DEF8: variants seen among roughly 807,000 people sequenced by gnomAD.
The protein encoded by DEF8 is differentially expressed in FDCP 8 homolog.
Under a neutral mutation model 59.1 loss-of-function variants are expected in DEF8, and 38 were observed. That is an observed-to-expected ratio of 0.64 (90% CI 0.50 to 0.84). The LOEUF is 0.84. Ranked by LOEUF, DEF8 falls within the 40% of genes least tolerant of loss-of-function variation. DEF8 has a pLI of 0.00. For synonymous variants in DEF8, 265 were observed against 250.1 expected (o/e 1.06, Z -0.56); for missense variants, 557 against 615.2 (o/e 0.91, Z 1.00).
rs540883070 is a variant in DEF8, at chr16:89,954,461, G to A, written c.124+85G>A. 3 of 1,459,330 alleles carry A rather than the reference G, an allele frequency of 2.1e-6. No individual in the cohort carries two copies. The highest frequency in any genetic ancestry group is 2.8e-6 in the Non-Finnish European group (3 of 1,076,716). 90.4% of individuals were successfully genotyped at this position (1,459,330 alleles called of 1,614,324 possible). A position where few individuals can be genotyped will look rare whatever the true frequency, so the allele number is the denominator to read the frequency against. On this transcript the variant is annotated intron_variant, in intron 3 of 12. Transcript: ENST00000563594. This position sits in a 1 kb window ranked among gnomAD's most constrained non-coding sequence, Gnocchi z 4.3. ...CCCTCCTTTCTTCCTGCCGCGTCCT[G>A]CGCAGCCCTGGCTTTCCCACGGAGC...
At chr16:89,957,705 C>G in intron 5 of DEF8, 45 bp downstream of exon 5, 1 of 1,491,788 alleles carries the variant, frequency 6.7e-7, no homozygotes, top group Non-Finnish European at 9.0e-7. Flanking sequence ...GGGGCCGAGG[C>G]CAGAACTGTG....
chr16:89,962,026 C>T lies in DEF8; in HGVS notation c.822C>T (p.Ser274=), dbSNP rs1403310890. The change falls in exon 9 of 13, where the codon AGC becomes AGT. Residue 274 remains serine, a synonymous_variant. Transcript: ENST00000563594. The part of the protein sequence containing the change: ...DFEPRKVSRC[S]MRYLALMVSR... ...GTGCCTGGCAGGTTTCTCGCTGCAGCATGCGCTACCTGGCGCTGATGGTGT... is the reference window on the plus strand; with the variant it reads ...GTGCCTGGCAGGTTTCTCGCTGCAGTATGCGCTACCTGGCGCTGATGGTGT... 1.9e-6 allele frequency: 3 copies of T among 1,613,938 alleles called. No individual in the cohort carries two copies. In the African/African-American group the frequency reaches 4.0e-5, roughly 22 times the overall value.
intron 8 of DEF8, 59 bp from the exon 9 acceptor site, chr16:89,961,953 T>C: frequency 6.2e-7 from 1 of 1,607,478 alleles, no homozygotes; most frequent in South Asian, 1.1e-5. Flanking sequence ...TGGTTGGGTG[T>C]TGCCCGCTGC....
chr16:89,963,863 CTG>C (rs1347765324), intron 10 of DEF8: 2 of 521,992 alleles, frequency 3.8e-6, no homozygotes, highest in Non-Finnish European at 3.5e-6. Flanking sequence ...GTGGTGAACT[CTG>C]TGACAAGATA....
Position 89,954,505 on chromosome 16 carries a change from TTC to T in DEF8, c.124+131_124+132del, listed in dbSNP as rs1301382008. On this transcript the variant is annotated intron_variant, in intron 3 of 12. Transcript: ENST00000563594. This position sits in a 1 kb window ranked among gnomAD's most constrained non-coding sequence, Gnocchi z 4.3. ...ACGGAGCCGGCACCTGCTGGCTGTGTTCTTTTTCCCATCTCTTCTGTGGTCGT... is the reference window on the plus strand; with the variant it reads ...ACGGAGCCGGCACCTGCTGGCTGTGTTTTTTCCCATCTCTTCTGTGGTCGT... 3.1e-5 allele frequency: 32 copies of T among 1,029,916 alleles called. No homozygotes were observed. The highest frequency in any genetic ancestry group is 4.3e-5 in the Non-Finnish European group (31 of 715,496). 63.8% of individuals were successfully genotyped at this position (1,029,916 alleles called of 1,614,324 possible).
At chr16:89,952,081 G>T (rs899967063) in intron 2 of DEF8, among the ~76,000 whole-genome samples, 1 of 152,220 alleles carries the variant, frequency 6.6e-6, no homozygotes, top group South Asian at 2.1e-4. Context: ...GTTTCAATGT[G>T]TTAGCCAGGA....
rs149889201 is a variant in DEF8 at position 89,957,654 on chromosome 16, G to A, written c.366G>A (p.Glu122=). The A allele has an allele frequency of 2.0e-3, 3,096 of 1,558,710 alleles. 62 individuals carry two copies. The African/African-American group carries it at 0.037, about 19-fold the overall frequency. The change falls in exon 5 of 13, where the codon GAG becomes GAA. Residue 122 remains glutamate (E), a synonymous_variant. Coordinates refer to ENST00000563594, the MANE Select transcript of DEF8 (RefSeq NM_001242818.2). ...TCCACCTCCGGCTGAAGCTCCAGGA[G>A]CTGAAGGTGGGTGTGGGGCCGCCCC... ...RLIHLRLKLQ[E]LKDPNEDEPN...
chr16:89,951,761 AG>A (rs1328590630), intron 2 of DEF8, among the ~76,000 whole-genome samples: 11 of 152,144 alleles, frequency 7.2e-5, no homozygotes, highest in African/African-American at 1.2e-4. Flanking sequence ...ATGGCTGAAG[AG>A]GGGCAGCCCC....
intron 6 of DEF8, chr16:89,959,473 G>A: frequency 1.4e-6 from 1 of 696,738 alleles, no homozygotes. Context: ...ACGTGACTTT[G>A]TTTTTTGTTT....
intron 2 of DEF8, among the ~76,000 whole-genome samples, chr16:89,953,740 CAG>C (rs2032623857): frequency 6.6e-6 from 1 of 152,230 alleles, no homozygotes; most frequent in African/African-American, 2.4e-5. Context: ...AGTCCTGAGA[CAG>C]GGGCTGTGGT....
chr16:89,949,574 G>C, intron 2 of DEF8, 61 bp downstream of exon 2: 1 of 1,613,364 alleles, frequency 6.2e-7, no homozygotes, highest in Non-Finnish European at 8.5e-7. Flanking sequence ...GGTTCTCGGG[G>C]TGGCAGCTGC....
chr16:89,962,041 G>A lies in DEF8; in HGVS notation c.837G>A (p.Ala279=), dbSNP rs140137747. Residue 279 remains alanine, a synonymous_variant, in exon 9 of 13, where the codon GCG becomes GCA. Coordinates refer to ENST00000563594, the MANE Select transcript of DEF8 (RefSeq NM_001242818.2). ...KVSRCSMRYL[A]LMVSRPVLRL... ...CTCGCTGCAGCATGCGCTACCTGGCGCTGATGGTGTCTCGGCCCGTACTCA... is the reference window on the plus strand; with the variant it reads ...CTCGCTGCAGCATGCGCTACCTGGCACTGATGGTGTCTCGGCCCGTACTCA... The A allele has an allele frequency of 7.1e-5, 115 of 1,613,964 alleles. No individual in the cohort carries two copies. Among genetic ancestry groups the A allele is most frequent in the Non-Finnish European group, 9.3e-5 (110 of 1,180,010 alleles).
intron 2 of DEF8, 143 bp downstream of exon 2, chr16:89,949,656 G>A: frequency 1.3e-6 from 2 of 1,595,950 alleles, no homozygotes; most frequent in East Asian, 2.2e-5. Context: ...CATCCCGCGT[G>A]TCCTGAGCTT....
At chr16:89,965,621 G>C (rs1180433095) in intron 12 of DEF8, among the ~76,000 whole-genome samples, 4 of 152,162 alleles carry the variant, frequency 2.6e-5, no homozygotes, top group African/African-American at 9.7e-5. Flanking sequence ...TCAGCTGTGT[G>C]AACTGGGACC....
At chr16:89,953,554 C>G (rs78492722) in intron 2 of DEF8, among the ~76,000 whole-genome samples, 34 of 152,304 alleles carry the variant, frequency 2.2e-4, no homozygotes, top group African/African-American at 7.9e-4. Context: ...TTGCTCATCA[C>G]AGGATCAGAA....
At chr16:89,955,852 C>T (rs1039729519) in intron 4 of DEF8, among the ~76,000 whole-genome samples, 2 of 151,520 alleles carry the variant, frequency 1.3e-5, no homozygotes, top group Admixed American at 6.6e-5. Context: ...GCGGGCGGAT[C>T]ACGAGGTCAG....
At chr16:89,951,946 C>T (rs1047139653) in intron 2 of DEF8, among the ~76,000 whole-genome samples, 3 of 151,254 alleles carry the variant, frequency 2.0e-5, no homozygotes, top group South Asian at 4.2e-4. Flanking sequence ...GGTGCGTTCT[C>T]GGCTCACTGC....
At chr16:89,957,205 CAT>C (rs1216897976) in intron 4 of DEF8, 2 of 237,116 alleles carry the variant, frequency 8.4e-6, no homozygotes, top group African/African-American at 4.5e-5. Flanking sequence ...AGTGAAGTGA[CAT>C]AACAAAAAAG....
chr16:89,958,746 C>T (rs888794217), intron 5 of DEF8, among the ~76,000 whole-genome samples: 4 of 152,174 alleles, frequency 2.6e-5, no homozygotes, highest in Non-Finnish European at 2.9e-5. Flanking sequence ...GCCCATGGCC[C>T]GGTGCAATCC....
Sources: gnomAD v4.1 joint callset for allele counts (sites outside exome capture counted in the v4.1 genomes callset) on GRCh38, gnomAD v4.1.1 for gene constraint, Gnocchi (gnomAD v3.1) non-coding constraint, MANE v1.5 for transcripts, NCBI Gene and HGNC (gene_info 2026-07-23, HGNC 2026-07-21) for gene names.